IL1RAPL1: variants seen among roughly 807,000 people sequenced by gnomAD.
IL1RAPL1 encodes interleukin 1 receptor accessory protein like 1, also known as interleukin-1 receptor accessory protein-like 1.
In IL1RAPL1, 3 loss-of-function variants were observed where a neutral mutation model predicts 48.4. That is an observed-to-expected ratio of 0.06 (90% CI 0.03 to 0.16). IL1RAPL1 has a LOEUF of 0.16. Among genes scored for constraint, IL1RAPL1 ranks in the 10% least tolerant of loss-of-function variants. The pLI is 1.00. For missense variants in IL1RAPL1, 349 were observed against 530.6 expected (o/e 0.66, Z 3.36); for synonymous variants, 185 against 187.7 (o/e 0.99, Z 0.12).
At chrX:29,057,722 C>T (rs764397318) in intron 2 of IL1RAPL1, among the ~76,000 whole-genome samples, 8 of 111,813 alleles carry the variant, frequency 7.2e-5, no homozygotes, top group Middle Eastern at 9.4e-3. Context: ...AGCCACCGTG[C>T]GCGGCCTGTT....
intron 2 of IL1RAPL1, among the ~76,000 whole-genome samples, chrX:28,820,045 T>G (rs1348883557): frequency 1.2e-5 from 1 of 86,449 alleles, no homozygotes; most frequent in Non-Finnish European, 2.3e-5. Context: ...GAAAGAACAT[T>G]TAATGGAATT....
chrX:29,184,494 TG>T (rs749885947), intron 2 of IL1RAPL1, among the ~76,000 whole-genome samples: 37 of 111,336 alleles, frequency 3.3e-4, no homozygotes, highest in Middle Eastern at 4.7e-3. Flanking sequence ...TATGTATTTT[TG>T]TATGTTTGTT....
At chrX:28,922,687 C>T (rs187818160) in intron 2 of IL1RAPL1, among the ~76,000 whole-genome samples, 149 of 111,702 alleles carry the variant, frequency 1.3e-3, no homozygotes, top group African/African-American at 3.1e-3. Flanking sequence ...CGAATCAGTT[C>T]TTAAGAGCTG....
chrX:29,504,282 A>C (rs1015615920), intron 5 of IL1RAPL1, among the ~76,000 whole-genome samples: 2 of 111,618 alleles, frequency 1.8e-5, no homozygotes, highest in Non-Finnish European at 3.8e-5. Context: ...TGTTTCATGC[A>C]CTGATAATAA....
At chrX:28,938,890 A>T (rs1250446632) in intron 2 of IL1RAPL1, among the ~76,000 whole-genome samples, 1 of 111,169 alleles carries the variant, frequency 9.0e-6, no homozygotes, top group East Asian at 2.8e-4. Flanking sequence ...TCAAAAGAAG[A>T]CATACATGTG....
intron 1 of IL1RAPL1, among the ~76,000 whole-genome samples, chrX:28,662,931 G>A (rs768532886): frequency 3.4e-3 from 377 of 111,678 alleles, no homozygotes; most frequent in South Asian, 0.01. Context: ...CTCATAGTCA[G>A]AATGTGGCAG....
At chrX:29,256,567 A>G (rs750076589) in intron 2 of IL1RAPL1, among the ~76,000 whole-genome samples, 2 of 111,740 alleles carry the variant, frequency 1.8e-5, no homozygotes, top group South Asian at 3.7e-4. Flanking sequence ...TGTTTTTTCA[A>G]CTGTGCAATG....
intron 5 of IL1RAPL1, among the ~76,000 whole-genome samples, chrX:29,662,250 C>A (rs998030853): frequency 1.8e-5 from 2 of 111,520 alleles, no homozygotes; most frequent in Admixed American, 1.9e-4. Context: ...TTTGAACTTG[C>A]TCTTCCCTCT....
chrX:28,610,612 TA>T (rs1316686080), intron 1 of IL1RAPL1, among the ~76,000 whole-genome samples: 2 of 112,071 alleles, frequency 1.8e-5, no homozygotes, highest in Non-Finnish European at 3.8e-5. Context: ...AGAACACCAA[TA>T]TTTTTTTACC....
At chrX:28,619,558 G>C (rs2146887649) in intron 1 of IL1RAPL1, among the ~76,000 whole-genome samples, 1 of 96,481 alleles carries the variant, frequency 1.0e-5, no homozygotes, top group South Asian at 5.1e-4. Context: ...AGTGGGCTGA[G>C]ATCACGACAC....
intron 5 of IL1RAPL1, among the ~76,000 whole-genome samples, chrX:29,559,879 T>A (rs201662240): frequency 1.8e-5 from 2 of 111,760 alleles, no homozygotes; most frequent in East Asian, 2.8e-4. Context: ...AAGGCTCTAG[T>A]TATTTTTAAA....
rs183156189 is a variant in IL1RAPL1 at position 29,534,735 on chromosome X, G to A, written c.704-133695G>A. ...TGTAATCCCAGCACTTTGGGAGGCCGAAGCGGGCAGATCACAAGGTCAGGA... is the reference window on the plus strand; with the variant it reads ...TGTAATCCCAGCACTTTGGGAGGCCAAAGCGGGCAGATCACAAGGTCAGGA... On this transcript the variant is annotated intron_variant, in intron 5 of 10. Transcript: ENST00000378993. Among the ~76,000 whole-genome samples, 1,090 of 110,541 alleles carry A rather than the reference G, an allele frequency of 9.9e-3. 7 individuals are homozygous for A. Among genetic ancestry groups the A allele is most frequent in the Non-Finnish European group, 0.014 (749 of 52,848 alleles).
chrX:29,739,799 G>A (rs186772723), intron 6 of IL1RAPL1, among the ~76,000 whole-genome samples: 8 of 110,423 alleles, frequency 7.2e-5, no homozygotes, highest in Admixed American at 1.9e-4. Flanking sequence ...TGGCTCGCAC[G>A]TGTAATCCCA....
chrX:29,091,018 G>A (rs1447483712), intron 2 of IL1RAPL1, among the ~76,000 whole-genome samples: 1 of 112,020 alleles, frequency 8.9e-6, no homozygotes, highest in Admixed American at 9.5e-5. Flanking sequence ...GCCATCTATT[G>A]GCTTCCAAGG....
chrX:29,496,553 C>G (rs1408199218), intron 5 of IL1RAPL1, among the ~76,000 whole-genome samples: 1 of 107,018 alleles, frequency 9.3e-6, no homozygotes, highest in African/African-American at 3.4e-5. Context: ...AGAAGCCTCC[C>G]CAGAAGGTGA....
chrX:28,914,958 C>G lies in IL1RAPL1; in HGVS notation c.82+125533C>G, dbSNP rs187937177. On this transcript the variant is annotated intron_variant, in intron 2 of 10. Transcript: ENST00000378993. Reference sequence around the variant, plus strand: ...AGGTTTTACAGTGAAAACTGTAGATCAGTGGCCCCCAACCTTTTTGGCACC... The same window carrying G: ...AGGTTTTACAGTGAAAACTGTAGATGAGTGGCCCCCAACCTTTTTGGCACC... 6.1e-3 allele frequency among the ~76,000 whole-genome samples: 687 copies of G among 112,043 alleles called. 4 individuals carry two copies. Among genetic ancestry groups the G allele is most frequent in the Non-Finnish European group, 8.5e-3 (451 of 53,213 alleles).
chrX:29,005,404 A>G (rs1925953280), intron 2 of IL1RAPL1, among the ~76,000 whole-genome samples: 1 of 112,058 alleles, frequency 8.9e-6, no homozygotes, highest in Admixed American at 9.5e-5. Flanking sequence ...AGCATAGAAT[A>G]TATGAGATTA....
In IL1RAPL1 at chrX:28,605,976, C is replaced by T. The variant is rs151299468; in HGVS notation, c.-25+17929C>T. Among the ~76,000 whole-genome samples, 502 of 110,905 alleles carry T rather than the reference C, an allele frequency of 4.5e-3. 3 individuals carry two copies. Among genetic ancestry groups the T allele is most frequent in the African/African-American group, 0.015 (461 of 30,547 alleles). ...GTCATCTTCTCCATGAGACCTACCC[C>T]GACCACACCCTCTAAAATTTCAATA... On this transcript the variant is annotated intron_variant, in intron 1 of 10. Transcript: ENST00000378993.
chrX:29,661,460 G>A (rs1925846573), intron 5 of IL1RAPL1, among the ~76,000 whole-genome samples: 2 of 112,134 alleles, frequency 1.8e-5, no homozygotes, highest in Non-Finnish European at 3.8e-5. Context: ...GTAGAGATTA[G>A]CCAGAGCTTA....
Sources: gnomAD v4.1 joint callset for allele counts (sites outside exome capture counted in the v4.1 genomes callset) on GRCh38, gnomAD v4.1.1 for gene constraint, MANE v1.5 for transcripts, NCBI Gene and HGNC (gene_info 2026-07-23, HGNC 2026-07-21) for gene names.